SLC7A1: variants seen among roughly 807,000 people sequenced by gnomAD.
The protein encoded by SLC7A1 is solute carrier family 7 member 1.
Under a neutral mutation model 53.9 loss-of-function variants are expected in SLC7A1, and 10 were observed. That is an observed-to-expected ratio of 0.19 (90% CI 0.11 to 0.31). The LOEUF (loss-of-function observed/expected upper bound fraction) is 0.31, where lower values mean the gene tolerates loss of function less well. Ranked by LOEUF, SLC7A1 falls within the 10% of genes least tolerant of loss-of-function variation. SLC7A1 has a pLI of 1.00. For missense variants in SLC7A1, 525 were observed against 827.2 expected (o/e 0.63, Z 4.48); for synonymous variants, 342 against 338.7 (o/e 1.01, Z -0.11).
chr13:29,576,230 T>C (rs1032842019), intron 1 of SLC7A1, among the ~76,000 whole-genome samples: 6 of 144,598 alleles, frequency 4.1e-5, no homozygotes, highest in African/African-American at 1.6e-4. Flanking sequence ...AGGTCAAGGC[T>C]GCAGTGAGCT....
chr13:29,560,604 T>C (rs1870714196), intron 1 of SLC7A1, among the ~76,000 whole-genome samples: 1 of 152,126 alleles, frequency 6.6e-6, no homozygotes, highest in Non-Finnish European at 1.5e-5. Flanking sequence ...GCATGTGCTA[T>C]ACTTTTAGAT....
intron 2 of SLC7A1, among the ~76,000 whole-genome samples, chr13:29,536,872 T>A (rs1387000635): frequency 6.6e-6 from 1 of 152,212 alleles, no homozygotes; most frequent in Non-Finnish European, 1.5e-5. Context: ...CCCAATGTGC[T>A]CTGTGGTATA....
At position 29,520,284 on chromosome 13, in the gene SLC7A1, C is replaced by T. The variant is rs1566253398; in HGVS notation, c.1190-735G>A. ...AACAGGGCAGACCACAGTCCCCAGC[C>T]TTCCTGAGTGTACCCCACCAAGACA... On this transcript the variant is annotated intron_variant, in intron 8 of 12. Coordinates refer to ENST00000380752, the MANE Select transcript of SLC7A1 (RefSeq NM_003045.5). Among the ~76,000 whole-genome samples the T allele has an allele frequency of 5.9e-5, 9 of 152,274 alleles. No individual in the cohort carries two copies. In the South Asian group the frequency reaches 1.9e-3, roughly 32 times the overall value.
intron 1 of SLC7A1, among the ~76,000 whole-genome samples, chr13:29,582,551 G>C (rs1871693220): frequency 6.6e-6 from 1 of 152,200 alleles, no homozygotes; most frequent in South Asian, 2.1e-4. Context: ...CAGACCCTCA[G>C]GGAGATGTGG....
intron 1 of SLC7A1, among the ~76,000 whole-genome samples, chr13:29,590,779 TGA>T (rs1872075261): frequency 6.6e-6 from 1 of 152,040 alleles, no homozygotes; most frequent in East Asian, 1.9e-4. Context: ...CTTGGTAAAA[TGA>T]GAGAGCGAAA....
chr13:29,555,289 A>C (rs819391), intron 1 of SLC7A1, among the ~76,000 whole-genome samples: 12,165 of 121,786 alleles, frequency 0.1, 696 homozygotes, highest in Middle Eastern at 0.18. Context: ...ACCCGGGAGG[A>C]GGAGCTTGCA....
intron 1 of SLC7A1, among the ~76,000 whole-genome samples, chr13:29,579,903 C>T (rs1295917611): frequency 6.6e-6 from 1 of 152,176 alleles, no homozygotes; most frequent in Admixed American, 6.5e-5. Flanking sequence ...TAACACTTCT[C>T]TACTAGAGGT....
At chr13:29,534,872 T>C (rs1869336704) in intron 3 of SLC7A1, among the ~76,000 whole-genome samples, 1 of 152,252 alleles carries the variant, frequency 6.6e-6, no homozygotes, top group Non-Finnish European at 1.5e-5. Context: ...TAGGTTTTTG[T>C]TTCTTTTAAG....
intron 2 of SLC7A1, among the ~76,000 whole-genome samples, chr13:29,551,078 A>AT (rs1387410417): frequency 2.6e-5 from 4 of 152,160 alleles, no homozygotes; most frequent in South Asian, 2.1e-4. Context: ...CTGTTATTTC[A>AT]TTTTTTTAAA....
At position 29,585,259 on chromosome 13, in the gene SLC7A1, T is replaced by C. The variant is rs114325103; in HGVS notation, c.-115+10157A>G. Reference sequence around the variant, plus strand: ...TGCCCTAACTGGTCTGGATGGAGAATTGACTCCCATCCCCTAGTGCCAGCA... The same window carrying C: ...TGCCCTAACTGGTCTGGATGGAGAACTGACTCCCATCCCCTAGTGCCAGCA... On this transcript the variant is annotated intron_variant, in intron 1 of 12. Coordinates refer to ENST00000380752, the MANE Select transcript of SLC7A1 (RefSeq NM_003045.5). Among the ~76,000 whole-genome samples the C allele has an allele frequency of 2.6e-3, 390 of 152,320 alleles. 2 individuals are homozygous for C. Among genetic ancestry groups the C allele is most frequent in the African/African-American group, 9.1e-3 (377 of 41,570 alleles).
Position 29,514,592 on chromosome 13 carries a change from C to T in SLC7A1, c.1787-9G>A, listed in dbSNP as rs1181010022. 6.3e-7 allele frequency: 1 copy of T among 1,599,700 alleles called. No homozygotes were observed. Among genetic ancestry groups the T allele is most frequent in the Non-Finnish European group, 8.5e-7 (1 of 1,174,926 alleles). ...AAAGTAGATGATGAAGCCTGCGGGCCGACAGCAGAGACGGGCGTGAACAGA... is the reference window on the plus strand; with the variant it reads ...AAAGTAGATGATGAAGCCTGCGGGCTGACAGCAGAGACGGGCGTGAACAGA... On this transcript the variant is annotated splice_polypyrimidine_tract_variant and intron_variant, in intron 12 of 12. Transcript: ENST00000380752.
At chr13:29,516,811 G>A (rs1883571573) in intron 11 of SLC7A1, 14 of 232,710 alleles carry the variant, frequency 6.0e-5, no homozygotes, top group Non-Finnish European at 8.2e-6. Flanking sequence ...ATAAAACACT[G>A]ATCACAAGGG....
At chr13:29,530,821 G>A (rs1264206982) in intron 4 of SLC7A1, 109 bp from the exon 5 acceptor site, 11 of 834,652 alleles carry the variant, frequency 1.3e-5, no homozygotes, top group East Asian at 2.6e-5. Flanking sequence ...CAAGTGCATC[G>A]AGCCTCTGCA....
intron 1 of SLC7A1, among the ~76,000 whole-genome samples, chr13:29,568,089 ACTT>A (rs1871045706): frequency 6.6e-6 from 1 of 152,070 alleles, no homozygotes; most frequent in Non-Finnish European, 1.5e-5. Context: ...CTTACACAAA[ACTT>A]CTCAAAGTGC....
intron 1 of SLC7A1, among the ~76,000 whole-genome samples, chr13:29,582,889 C>T (rs958304749): frequency 6.6e-6 from 1 of 152,166 alleles, no homozygotes; most frequent in Non-Finnish European, 1.5e-5. Flanking sequence ...TCTGCCCAAT[C>T]CATATGACCT....
intron 2 of SLC7A1, among the ~76,000 whole-genome samples, chr13:29,552,346 A>G (rs1399267027): frequency 6.6e-6 from 1 of 152,190 alleles, no homozygotes; most frequent in Non-Finnish European, 1.5e-5. Context: ...CTCCATACTC[A>G]GTAAACATTT....
intron 4 of SLC7A1, 61 bp downstream of exon 4, chr13:29,532,763 G>T: frequency 1.4e-6 from 2 of 1,425,244 alleles, no homozygotes; most frequent in Non-Finnish European, 1.9e-6. Context: ...CTTAACAGGA[G>T]CCTCTCACCA....
chr13:29,520,340 TAAAG>T (rs1368380166), intron 8 of SLC7A1, among the ~76,000 whole-genome samples: 2 of 151,992 alleles, frequency 1.3e-5, no homozygotes, highest in African/African-American at 4.8e-5. Flanking sequence ...TGCTGGGTGA[TAAAG>T]AAGGGCAAGT....
chr13:29,592,039 C>T (rs886223933), intron 1 of SLC7A1, among the ~76,000 whole-genome samples: 16 of 152,164 alleles, frequency 1.1e-4, no homozygotes, highest in Non-Finnish European at 1.3e-4. Context: ...GTAAGGTTCA[C>T]GAAGTCTAAA....
Sources: allele counts gnomAD v4.1 joint callset (sites outside exome capture counted in the v4.1 genomes callset), GRCh38; gene constraint gnomAD v4.1.1; transcripts MANE v1.5; gene names NCBI Gene and HGNC (gene_info 2026-07-23, HGNC 2026-07-21).